COL21A1: variants seen among roughly 807,000 people sequenced by gnomAD.
COL21A1 encodes collagen type XXI alpha 1 chain, also known as collagen alpha-1(XXI) chain.
COL21A1 carries 149 observed loss-of-function variants against 137.9 expected under a neutral mutation model. The ratio of observed to expected loss-of-function variants is 1.08; its 90% CI spans 0.95 to 1.24. The LOEUF (loss-of-function observed/expected upper bound fraction) is 1.24, where lower values mean the gene tolerates loss of function less well. COL21A1 is among the 50% of genes most tolerant of loss of function. The pLI, the probability that COL21A1 is intolerant of heterozygous loss-of-function variation, is 0.00. For synonymous variants in COL21A1, 456 were observed against 391.5 expected, an observed-to-expected ratio of 1.16 and a Z score of -1.95; for missense variants, 1,167 against 1,158.4, an observed-to-expected ratio of 1.01 and a Z score of -0.11.
intron 1 of COL21A1, among the ~76,000 whole-genome samples, chr6:56,257,888 T>A (rs1303778190): frequency 6.6e-6 from 1 of 152,178 alleles, no homozygotes; most frequent in Non-Finnish European, 1.5e-5. Flanking sequence ...TATAGTATTA[T>A]AATTAAAATT....
intron 1 of COL21A1, among the ~76,000 whole-genome samples, chr6:56,227,484 A>G (rs1177506887): frequency 1.3e-5 from 2 of 152,044 alleles, no homozygotes; most frequent in Admixed American, 6.6e-5. Flanking sequence ...TGGGAGACAT[A>G]AATTTTTATC....
intron 1 of COL21A1, among the ~76,000 whole-genome samples, chr6:56,386,938 T>A (rs1418748208): frequency 2.0e-5 from 3 of 152,214 alleles, no homozygotes; most frequent in Non-Finnish European, 4.4e-5. Context: ...TGAAAGCCCT[T>A]CCATCTCCCT....
At chr6:56,276,805 T>G (rs1562036203) in intron 1 of COL21A1, 2 of 888,910 alleles carry the variant, frequency 2.2e-6, no homozygotes, top group South Asian at 1.5e-5. Context: ...TGTGTTTTTT[T>G]TGTTTTTTTT....
intron 12 of COL21A1, among the ~76,000 whole-genome samples, chr6:56,131,650 T>A (rs1299449269): frequency 6.6e-6 from 1 of 152,070 alleles, no homozygotes. Context: ...GTGTAGTGGA[T>A]GCCTGATTAA....
intron 1 of COL21A1, among the ~76,000 whole-genome samples, chr6:56,195,583 A>C (rs1246845748): frequency 6.6e-6 from 1 of 152,118 alleles, no homozygotes; most frequent in Non-Finnish European, 1.5e-5. Context: ...TAGTTCAGAG[A>C]CACAAAAAAT....
chr6:56,334,406 C>T (rs746241356), intron 1 of COL21A1, among the ~76,000 whole-genome samples: 50 of 152,220 alleles, frequency 3.3e-4, no homozygotes, highest in Non-Finnish European at 6.0e-4. Flanking sequence ...CTTTTGCACA[C>T]TTTAGCTTAG....
chr6:56,217,520 G>C (rs1780562734), intron 1 of COL21A1, among the ~76,000 whole-genome samples: 1 of 152,074 alleles, frequency 6.6e-6, no homozygotes, highest in Middle Eastern at 3.4e-3. Flanking sequence ...TGACTGAAAG[G>C]TACCAGAAAG....
intron 1 of COL21A1, among the ~76,000 whole-genome samples, chr6:56,206,678 CAAAA>C (rs1779796256): frequency 8.4e-6 from 1 of 119,618 alleles, no homozygotes; most frequent in East Asian, 2.2e-4. Flanking sequence ...CCCAATTCAA[CAAAA>C]TAAATAAATA....
chr6:56,358,619 T>C (rs1279021523), intron 1 of COL21A1, among the ~76,000 whole-genome samples: 4 of 152,214 alleles, frequency 2.6e-5, no homozygotes, highest in Non-Finnish European at 5.9e-5. Flanking sequence ...ATTCTGTATG[T>C]TTTTAAGCTT....
chr6:56,129,452 C>A (rs773613962), intron 12 of COL21A1, among the ~76,000 whole-genome samples: 7 of 152,068 alleles, frequency 4.6e-5, no homozygotes, highest in Non-Finnish European at 8.8e-5. Context: ...TGTAGACAAC[C>A]AATTATATGA....
At chr6:56,070,873 G>T in intron 20 of COL21A1, 75 bp from the exon 21 acceptor site, 2 of 1,060,194 alleles carry the variant, frequency 1.9e-6, no homozygotes, top group Non-Finnish European at 2.7e-6. Flanking sequence ...GACACTTAAG[G>T]GAATATATGT....
chr6:56,186,601 G>C (rs2152286533), intron 1 of COL21A1, among the ~76,000 whole-genome samples: 1 of 152,182 alleles, frequency 6.6e-6, no homozygotes, highest in Non-Finnish European at 1.5e-5. Flanking sequence ...TACATAGAAA[G>C]TGGAATCTAC....
chr6:56,287,253 C>G (rs190167971), intron 1 of COL21A1, among the ~76,000 whole-genome samples: 1 of 152,226 alleles, frequency 6.6e-6, no homozygotes, highest in East Asian at 1.9e-4. Context: ...TACATTGTGG[C>G]CCTGTGGTGG....
At chr6:56,223,363 T>C (rs563117518) in intron 1 of COL21A1, among the ~76,000 whole-genome samples, 1 of 152,276 alleles carries the variant, frequency 6.6e-6, no homozygotes, top group Admixed American at 6.5e-5. Flanking sequence ...ATTCAGGCTT[T>C]CTTTGGATGC....
chr6:56,327,688 T>G (rs114052788), intron 1 of COL21A1, among the ~76,000 whole-genome samples: 1,725 of 152,170 alleles, frequency 0.011, 18 homozygotes, highest in Non-Finnish European at 0.017. Context: ...TGGCTGAGAT[T>G]TGAACTCAAC....
At chr6:56,304,314 C>T (rs1270497646) in intron 1 of COL21A1, among the ~76,000 whole-genome samples, 2 of 151,870 alleles carry the variant, frequency 1.3e-5, no homozygotes, top group Non-Finnish European at 2.9e-5. Context: ...ATGGTACCAG[C>T]TCCTCCTTGT....
intron 1 of COL21A1, among the ~76,000 whole-genome samples, chr6:56,304,093 T>C (rs1764371901): frequency 1.3e-5 from 2 of 152,238 alleles, no homozygotes; most frequent in Non-Finnish European, 2.9e-5. Context: ...CACTTGATCA[T>C]GGTGGATAAG....
At chr6:56,255,176 C>T (rs536098405) in intron 1 of COL21A1, among the ~76,000 whole-genome samples, 2 of 152,280 alleles carry the variant, frequency 1.3e-5, no homozygotes, top group South Asian at 4.1e-4. Flanking sequence ...AAGTCATAAT[C>T]ATAATCATAC....
intron 1 of COL21A1, among the ~76,000 whole-genome samples, chr6:56,385,333 C>G (rs1449513600): frequency 6.6e-6 from 1 of 152,192 alleles, no homozygotes; most frequent in Non-Finnish European, 1.5e-5. Context: ...ACAGGTCTCA[C>G]TAGCTTAAAA....
Sources: gnomAD v4.1 joint callset for allele counts (sites outside exome capture counted in the v4.1 genomes callset) on GRCh38, gnomAD v4.1.1 for gene constraint, MANE v1.5 for transcripts, NCBI Gene and HGNC (gene_info 2026-07-23, HGNC 2026-07-21) for gene names.